The following PFKFB3 variants were observed in gnomAD, a reference collection of about 807,000 sequenced individuals.
PFKFB3 encodes the protein 6-phosphofructo-2-kinase/fructose-2,6-biphosphatase 3.
In PFKFB3, 33 loss-of-function variants were observed where a neutral mutation model predicts 68.0. The observed-to-expected ratio is 0.49, with a 90% confidence interval of 0.37 to 0.65. The LOEUF is 0.65. Ranked by LOEUF, PFKFB3 falls within the 30% of genes least tolerant of loss-of-function variation. The pLI is 0.00. For synonymous variants in PFKFB3, 315 were observed against 288.2 expected (o/e 1.09, Z -0.94); for missense variants, 586 against 712.2 (o/e 0.82, Z 2.02).
At chr10:6,326,454 A>G in the PFKFB3 span, 1 of 431,956 alleles carries the variant, frequency 2.3e-6, no homozygotes, top group Non-Finnish European at 4.6e-6. Flanking sequence ...AAATAAAAAT[A>G]GAAAAGAATG....
chr10:6,310,956 A>G, the PFKFB3 span, among the ~76,000 whole-genome samples: 1 of 152,226 alleles, frequency 6.6e-6, no homozygotes, highest in African/African-American at 2.4e-5. Context: ...GAATGCTGTG[A>G]GGTAGCAGGT....
At chr10:6,163,223 C>A (rs185131837) in intron 1 of PFKFB3, among the ~76,000 whole-genome samples, 4 of 152,152 alleles carry the variant, frequency 2.6e-5, no homozygotes, top group Non-Finnish European at 5.9e-5. Flanking sequence ...GAGGTGGGGG[C>A]CAAGACCAAG....
At chr10:6,207,170 C>G (rs543491588) in intron 1 of PFKFB3, among the ~76,000 whole-genome samples, 2 of 152,392 alleles carry the variant, frequency 1.3e-5, no homozygotes, top group Non-Finnish European at 2.9e-5. Context: ...GTGAACGAGA[C>G]TCCGTCTGCA....
chr10:6,250,503 A>G (rs527526042), intron 14 of PFKFB3, among the ~76,000 whole-genome samples: 3,187 of 151,810 alleles, frequency 0.021, 33 homozygotes, highest in African/African-American at 0.027. Context: ...CCTGGGAGGC[A>G]GAGCTTGCAG....
chr10:6,196,643 G>C (rs1024234228), intron 1 of PFKFB3, among the ~76,000 whole-genome samples: 1 of 152,110 alleles, frequency 6.6e-6, no homozygotes, highest in African/African-American at 2.4e-5. Flanking sequence ...GTCTTTCCAC[G>C]GTCTTCTGCC....
chr10:6,262,561 A>T, the PFKFB3 span, among the ~76,000 whole-genome samples: 1 of 152,142 alleles, frequency 6.6e-6, no homozygotes, highest in Non-Finnish European at 1.5e-5. Context: ...TTGCTTAAGA[A>T]ATCTTTCCCT....
In PFKFB3 at chr10:6,205,557, T is replaced by TA. The variant is rs1843627487; in HGVS notation, c.76+2223dup. 1.3e-5 allele frequency among the ~76,000 whole-genome samples: 2 copies of TA among 152,004 alleles called. 1 individual carries two copies. The highest frequency in any genetic ancestry group is 4.1e-4 in the South Asian group (2 of 4,824). ...ACAGGCGCACGCCGCCATGCCCAGCTAATTTTCATATTTTTAGTAAAGACG... is the reference window on the plus strand; with the variant it reads ...ACAGGCGCACGCCGCCATGCCCAGCTAAATTTTCATATTTTTAGTAAAGACG... On this transcript the variant is annotated intron_variant, in intron 1 of 14. Coordinates refer to ENST00000379775, the MANE Select transcript of PFKFB3 (RefSeq NM_004566.4).
At chr10:6,192,556 G>T (rs376135332) in intron 1 of PFKFB3, among the ~76,000 whole-genome samples, 26 of 152,162 alleles carry the variant, frequency 1.7e-4, no homozygotes, top group African/African-American at 6.3e-4. Context: ...CGGGTCACCC[G>T]GGCATGCTTC....
chr10:6,265,326 C>G, the PFKFB3 span, among the ~76,000 whole-genome samples: 2 of 152,162 alleles, frequency 1.3e-5, no homozygotes, highest in Non-Finnish European at 2.9e-5. Flanking sequence ...TGTGATCTGC[C>G]TGCCTCAACC....
At chr10:6,144,945 G>T in exon 1 of PFKFB3, 9 of 1,250,924 alleles carry the variant, frequency 7.2e-6, no homozygotes, top group Non-Finnish European at 8.0e-6. Context: ...CCGCTTGGAC[G>T]TCGTCCTGTC....
At chr10:6,269,828 A>T in the PFKFB3 span, among the ~76,000 whole-genome samples, 1 of 152,122 alleles carries the variant, frequency 6.6e-6, no homozygotes, top group African/African-American at 2.4e-5. Flanking sequence ...ACACAGTTTT[A>T]TCTATTTATT....
At position 6,228,992 on chromosome 10, in the gene PFKFB3, C is replaced by T; in HGVS notation, c.1515+2627C>T. On this transcript the variant is annotated intron_variant, in intron 14 of 14. Coordinates refer to ENST00000379775, the MANE Select transcript of PFKFB3 (RefSeq NM_004566.4). This position sits in a 1 kb window ranked among gnomAD's most constrained non-coding sequence, Gnocchi z 4.5. ...CTTCCCCACCAGGAGCAGAGGCCTT[C>T]CTGCCACAGAACTTTAATGACAGCC... The T allele has an allele frequency of 2.3e-6, 1 of 440,030 alleles. No individual in the cohort carries two copies. Among genetic ancestry groups the T allele is most frequent in the Non-Finnish European group, 4.8e-6 (1 of 208,772 alleles). 27.3% of individuals were successfully genotyped at this position (440,030 alleles called of 1,614,324 possible).
intron 1 of PFKFB3, among the ~76,000 whole-genome samples, chr10:6,182,459 C>A (rs1842741959): frequency 6.6e-6 from 1 of 152,166 alleles, no homozygotes; most frequent in Non-Finnish European, 1.5e-5. Context: ...GCCTTTCCAT[C>A]CTAGGGCCGA....
chr10:6,200,587 TA>T (rs1214422929), upstream of PFKFB3, among the ~76,000 whole-genome samples: 1 of 135,680 alleles, frequency 7.4e-6, no homozygotes, highest in Non-Finnish European at 1.5e-5. Context: ...AGCTGGCCAT[TA>T]AAAAAACAAA....
At chr10:6,326,470 G>A in the PFKFB3 span, 4 of 437,332 alleles carry the variant, frequency 9.1e-6, no homozygotes, top group Middle Eastern at 3.4e-4. Flanking sequence ...GAATGAACGT[G>A]GTCTATAATA....
rs376330766 is a variant in PFKFB3 at position 6,221,664 on chromosome 10, C to T, written c.1002C>T (p.Tyr334=). The change falls in exon 10 of 15, where the codon TAC becomes TAT. Residue 334 remains tyrosine (Y), a synonymous_variant. Coordinates refer to ENST00000379775, the MANE Select transcript of PFKFB3 (RefSeq NM_004566.4). ...IDAGVCEELT[Y]EEIRDTYPEE... Reference sequence around the variant, plus strand: ...AGGGCGTCTGTGAGGAGCTGACCTACGAGGAGATCAGGGACACCTACCCTG... The same window carrying T: ...AGGGCGTCTGTGAGGAGCTGACCTATGAGGAGATCAGGGACACCTACCCTG... The T allele has an allele frequency of 2.4e-5, 39 of 1,610,814 alleles. No individual in the cohort carries two copies. Among genetic ancestry groups the T allele is most frequent in the South Asian group, 6.6e-5 (6 of 90,362 alleles).
At chr10:6,145,412 G>A (rs1841351618) in intron 1 of PFKFB3, among the ~76,000 whole-genome samples, 1 of 152,040 alleles carries the variant, frequency 6.6e-6, no homozygotes, top group African/African-American at 2.4e-5. Context: ...CCGCCACCAC[G>A]TGCCCGAGCC....
At position 6,215,478 on chromosome 10, in the gene PFKFB3, T is replaced by C. The variant is rs967367467; in HGVS notation, c.299+161T>C. ...GCGGGTGTAAGGCTGGGCTGCGGGC[T>C]TGGGCTTGCTTTGTTCTGAGCCAGG... On this transcript the variant is annotated intron_variant, in intron 3 of 14. Transcript: ENST00000379775. The surrounding 1 kb of genome is among the most constrained non-coding windows in gnomAD (Gnocchi z 4.3). Among the ~76,000 whole-genome samples the C allele has an allele frequency of 1.3e-5, 2 of 151,976 alleles. No homozygotes were observed. The highest frequency in any genetic ancestry group is 2.4e-5 in the African/African-American group (1 of 41,354).
At chr10:6,243,689 C>A (rs543418956) in intron 14 of PFKFB3, among the ~76,000 whole-genome samples, 61 of 152,298 alleles carry the variant, frequency 4.0e-4, no homozygotes, top group African/African-American at 1.4e-3. Context: ...TTATAACTGC[C>A]AGGCTTTAGG....
Sources: gnomAD v4.1 joint callset for allele counts (sites outside exome capture counted in the v4.1 genomes callset) on GRCh38, gnomAD v4.1.1 for gene constraint, Gnocchi (gnomAD v3.1) non-coding constraint, MANE v1.5 for transcripts, NCBI Gene and HGNC (gene_info 2026-07-23, HGNC 2026-07-21) for gene names.